Variants in ZC3H12B observed in about 807,000 individuals in gnomAD.
ZC3H12B encodes probable ribonuclease ZC3H12B.
Under a neutral mutation model 43.9 loss-of-function variants are expected in ZC3H12B, and 7 were observed. That is an observed-to-expected ratio of 0.16 (90% CI 0.09 to 0.30). The LOEUF (loss-of-function observed/expected upper bound fraction) is 0.30. Among genes scored for constraint, ZC3H12B ranks in the 10% least tolerant of loss-of-function variants. The pLI is 1.00. For synonymous variants in ZC3H12B, 222 were observed against 241.7 expected (o/e 0.92, Z 0.76); for missense variants, 475 against 670.2 (o/e 0.71, Z 3.22).
chrX:65,275,569 A>G, the ZC3H12B span, among the ~76,000 whole-genome samples: 1 of 113,054 alleles, frequency 8.8e-6, no homozygotes, highest in Non-Finnish European at 1.9e-5. Flanking sequence ...TAAGCAACTG[A>G]GAAACTCACA....
intron 3 of ZC3H12B, among the ~76,000 whole-genome samples, chrX:65,436,677 T>TA (rs766999831): frequency 9.0e-6 from 1 of 111,668 alleles, no homozygotes; most frequent in Non-Finnish European, 1.9e-5. Context: ...CTTCACTTTT[T>TA]AAAAAAACTT....
chrX:65,467,288 C>T (rs1051925738), intron 3 of ZC3H12B, among the ~76,000 whole-genome samples: 1 of 110,179 alleles, frequency 9.1e-6, no homozygotes, highest in Non-Finnish European at 1.9e-5. Flanking sequence ...TTTTATTATT[C>T]TTTTTATGGC....
the ZC3H12B span, among the ~76,000 whole-genome samples, chrX:65,291,159 G>A: frequency 9.0e-6 from 1 of 111,459 alleles, no homozygotes; most frequent in Non-Finnish European, 1.9e-5. Context: ...GTGTTGGCTA[G>A]AATGTGGAGA....
the ZC3H12B span, among the ~76,000 whole-genome samples, chrX:65,210,981 T>C: frequency 1.7e-5 from 1 of 59,909 alleles, no homozygotes; most frequent in Non-Finnish European, 2.9e-5. Flanking sequence ...GATGACACAT[T>C]AGTGGGTGCA....
chrX:65,400,465 C>A (rs182417892), intron 3 of ZC3H12B, among the ~76,000 whole-genome samples: 2 of 111,912 alleles, frequency 1.8e-5, no homozygotes, highest in Admixed American at 1.9e-4. Flanking sequence ...TTCCCAAATT[C>A]TGTTATTTTT....
the ZC3H12B span, among the ~76,000 whole-genome samples, chrX:65,145,253 TA>T: frequency 9.2e-6 from 1 of 108,255 alleles, no homozygotes; most frequent in Admixed American, 9.8e-5. Flanking sequence ...TTTTTTTTTT[TA>T]ACTGCTGTTG....
the ZC3H12B span, among the ~76,000 whole-genome samples, chrX:65,044,128 G>A: frequency 9.0e-6 from 1 of 111,718 alleles, no homozygotes; most frequent in Non-Finnish European, 1.9e-5. Flanking sequence ...ACAAGATAAG[G>A]GAATAAGGAG....
At chrX:65,332,834 G>T in the ZC3H12B span, among the ~76,000 whole-genome samples, 71 of 111,744 alleles carry the variant, frequency 6.4e-4, no homozygotes, top group African/African-American at 2.0e-3. Context: ...TTGAAACATA[G>T]TTTTTCTCTC....
chrX:65,073,661 G>A, the ZC3H12B span, among the ~76,000 whole-genome samples: 496 of 112,041 alleles, frequency 4.4e-3, 1 homozygote, highest in Non-Finnish European at 5.8e-3. Context: ...TGGGCTCTAC[G>A]CCAACTGGAG....
chrX:65,328,378 T>C, the ZC3H12B span: 26 of 235,890 alleles, frequency 1.1e-4, no homozygotes, highest in Admixed American at 1.1e-3. Context: ...TCCTTTATAA[T>C]GAAACCCACA....
At chrX:65,313,537 G>A in the ZC3H12B span, among the ~76,000 whole-genome samples, 3 of 111,985 alleles carry the variant, frequency 2.7e-5, no homozygotes, top group African/African-American at 9.7e-5. Flanking sequence ...TAATGCCTAA[G>A]TTGCAGACAA....
the ZC3H12B span, among the ~76,000 whole-genome samples, chrX:65,222,104 G>A: frequency 9.0e-6 from 1 of 111,662 alleles, no homozygotes; most frequent in South Asian, 3.7e-4. Context: ...AAACTCACAT[G>A]ATCATCTCAA....
the ZC3H12B span, among the ~76,000 whole-genome samples, chrX:65,177,942 C>T: frequency 2.7e-5 from 3 of 112,063 alleles, no homozygotes; most frequent in Non-Finnish European, 5.6e-5. Context: ...CCAAAAATAG[C>T]CTGTATACCC....
the ZC3H12B span, among the ~76,000 whole-genome samples, chrX:65,245,966 T>C: frequency 9.1e-6 from 1 of 110,041 alleles, no homozygotes; most frequent in South Asian, 3.9e-4. Context: ...AAAGAGGAAA[T>C]CAAACTATCC....
chrX:65,367,114 C>T (rs1313684052), intron 1 of ZC3H12B, among the ~76,000 whole-genome samples: 1 of 111,904 alleles, frequency 8.9e-6, no homozygotes, highest in Admixed American at 9.5e-5. Flanking sequence ...AGTGTCCTTC[C>T]TGACTGTGGA....
intron 3 of ZC3H12B, among the ~76,000 whole-genome samples, chrX:65,450,312 A>AT (rs1345651277): frequency 1.2e-4 from 10 of 86,786 alleles, no homozygotes; most frequent in Non-Finnish European, 1.5e-4. Context: ...TCAAAAAAAA[A>AT]ATATATATAT....
At chrX:65,105,275 G>A in the ZC3H12B span, among the ~76,000 whole-genome samples, 3 of 110,507 alleles carry the variant, frequency 2.7e-5, no homozygotes, top group Non-Finnish European at 5.7e-5. Flanking sequence ...CAAGAAGAGG[G>A]AGGGCATTAG....
chrX:65,103,262 A>T, the ZC3H12B span, among the ~76,000 whole-genome samples: 1 of 111,614 alleles, frequency 9.0e-6, no homozygotes, highest in Admixed American at 9.5e-5. Flanking sequence ...TTCCTTGCTG[A>T]GAAAAAGAAT....
chrX:65,106,314 G>A, the ZC3H12B span, among the ~76,000 whole-genome samples: 1 of 111,916 alleles, frequency 8.9e-6, no homozygotes, highest in African/African-American at 3.2e-5. Context: ...TAAGTAGAGA[G>A]GAGCGTGGAG....
Sources: allele counts gnomAD v4.1 joint callset (sites outside exome capture counted in the v4.1 genomes callset), GRCh38; gene constraint gnomAD v4.1.1; transcripts MANE v1.5; gene names NCBI Gene and HGNC (gene_info 2026-07-23, HGNC 2026-07-21).